ESD: variants seen among roughly 807,000 people sequenced by gnomAD.
ESD encodes the protein S-formylglutathione hydrolase.
A neutral mutation model predicts 38.1 loss-of-function variants in ESD; 34 were observed. The ratio of observed to expected loss-of-function variants is 0.89; its 90% CI spans 0.68 to 1.19. The LOEUF (loss-of-function observed/expected upper bound fraction) is 1.19, where lower values mean the gene tolerates loss of function less well. ESD is among the 50% of genes most tolerant of loss of function. The pLI, the probability that ESD is intolerant of heterozygous loss-of-function variation, is 0.00. For synonymous variants in ESD, 97 were observed against 107.0 expected, an observed-to-expected ratio of 0.91 and a Z score of 0.58; for missense variants, 334 against 327.2, an observed-to-expected ratio of 1.02 and a Z score of -0.16.
In ESD at chr13:46,778,049, CT is replaced by C. The variant is rs573011906; in HGVS notation, c.601-427del. 3.6e-3 allele frequency among the ~76,000 whole-genome samples: 545 copies of C among 151,204 alleles called. 3 individuals carry two copies. Among genetic ancestry groups the C allele is most frequent in the African/African-American group, 0.013 (520 of 41,274 alleles). On this transcript the variant is annotated intron_variant, in intron 8 of 9. Coordinates refer to ENST00000378720, the MANE Select transcript of ESD (RefSeq NM_001984.2). Reference sequence around the variant, plus strand: ...CCAAATATTCTCTATTTCAGATAATCTTTTTTTTTATGTCTCTTCTTTATGG... The same window carrying C: ...CCAAATATTCTCTATTTCAGATAATCTTTTTTTTATGTCTCTTCTTTATGG...
At chr13:46,786,422 C>T (rs530278584) in intron 4 of ESD, among the ~76,000 whole-genome samples, 63 of 151,900 alleles carry the variant, frequency 4.1e-4, no homozygotes, top group Non-Finnish European at 7.8e-4. Context: ...GATGAAGTAC[C>T]AGCGTCTTGT....
At chr13:46,785,025 C>CT (rs892121089) in intron 4 of ESD, among the ~76,000 whole-genome samples, 1 of 151,832 alleles carries the variant, frequency 6.6e-6, no homozygotes, top group East Asian at 1.9e-4. Flanking sequence ...AATACAAATA[C>CT]TTTTTTTTAC....
chr13:46,773,109 G>A (rs1298390598), intron 9 of ESD, among the ~76,000 whole-genome samples: 2 of 152,166 alleles, frequency 1.3e-5, no homozygotes, highest in Admixed American at 1.3e-4. Flanking sequence ...TGGTGCATAT[G>A]TACCACATTT....
chr13:46,790,920 G>A (rs1222020679), intron 3 of ESD, among the ~76,000 whole-genome samples: 1 of 152,088 alleles, frequency 6.6e-6, no homozygotes, highest in Non-Finnish European at 1.5e-5. Context: ...ATATGTATGT[G>A]TGCGTGTGTG....
At chr13:46,793,483 T>C (rs1361170071) in intron 1 of ESD, 39 bp from the exon 2 acceptor site, 2 of 152,618 alleles carry the variant, frequency 1.3e-5, no homozygotes, top group Non-Finnish European at 2.9e-5. Flanking sequence ...GGGATATACT[T>C]TTCACAGCAA....
In ESD at chr13:46,771,472, T is replaced by A. The variant is rs1276111212; in HGVS notation, c.793A>T (p.Ile265Phe). ...QEGYDHSYYF[I>F]ATFITDHIRH... ...ATGTGGTCAGTAATAAAGGTTGCAA[T>A]GAAGTAGTAGCTATGATCATAACCC... The change falls in exon 10 of 10, where the codon ATT becomes TTT. Residue 265 changes from isoleucine (I) to phenylalanine (F), a missense_variant. By Grantham distance (21) the Ile-to-Phe change is conservative. Coordinates refer to ENST00000378720, the MANE Select transcript of ESD (RefSeq NM_001984.2). 6.2e-7 allele frequency: 1 copy of A among 1,606,718 alleles called. No homozygotes were observed.
chr13:46,793,981 G>GA (rs1486473223), intron 1 of ESD, among the ~76,000 whole-genome samples: 1 of 152,156 alleles, frequency 6.6e-6, no homozygotes, highest in Non-Finnish European at 1.5e-5. Context: ...TATTCAGTAA[G>GA]AAAAATATAT....
At chr13:46,783,429 C>G (rs1045797317) in intron 5 of ESD, among the ~76,000 whole-genome samples, 2 of 151,950 alleles carry the variant, frequency 1.3e-5, no homozygotes, top group Non-Finnish European at 2.9e-5. Flanking sequence ...TACAGTAACA[C>G]GTAGAGTAAT....
intron 4 of ESD, 152 bp from the exon 5 acceptor site, chr13:46,784,502 C>G: frequency 3.5e-6 from 2 of 575,242 alleles, no homozygotes; most frequent in Non-Finnish European, 6.2e-6. Flanking sequence ...GTGATGGTAT[C>G]TTTCATACCC....
intron 9 of ESD, among the ~76,000 whole-genome samples, chr13:46,772,542 T>A (rs1874642941): frequency 6.6e-6 from 1 of 152,174 alleles, no homozygotes; most frequent in Non-Finnish European, 1.5e-5. Flanking sequence ...ATCACCTAGG[T>A]ATTAAGCCGA....
chr13:46,772,771 A>G (rs1874651772), intron 9 of ESD, among the ~76,000 whole-genome samples: 1 of 151,442 alleles, frequency 6.6e-6, no homozygotes, highest in African/African-American at 2.4e-5. Flanking sequence ...TGCAACCTCC[A>G]CATCCCGGGT....
At chr13:46,785,000 T>C (rs569360861) in intron 4 of ESD, among the ~76,000 whole-genome samples, 1 of 152,146 alleles carries the variant, frequency 6.6e-6, no homozygotes, top group Non-Finnish European at 1.5e-5. Context: ...AATAAGCAAA[T>C]ACTATGGTCT....
chr13:46,781,931 G>C (rs559392348), intron 6 of ESD, among the ~76,000 whole-genome samples: 4 of 151,720 alleles, frequency 2.6e-5, no homozygotes, highest in African/African-American at 9.6e-5. Flanking sequence ...AAGTCCTTAG[G>C]GAGAAAACAT....
chr13:46,796,626 G>A (rs533289743), intron 1 of ESD, among the ~76,000 whole-genome samples: 1 of 152,206 alleles, frequency 6.6e-6, no homozygotes, highest in African/African-American at 2.4e-5. Flanking sequence ...GAGTGCTCCT[G>A]ACCGCGCCAT....
Position 46,791,382 on chromosome 13 carries a change from C to T in ESD, c.32G>A (p.Cys11Tyr). The change falls in exon 3 of 10, where the codon TGC (cysteine) becomes TAC (tyrosine). Residue 11 changes from cysteine to tyrosine, a missense_variant. Physicochemically the swap from Cys to Tyr is radical, Grantham distance 194. Coordinates refer to ENST00000378720, the MANE Select transcript of ESD (RefSeq NM_001984.2). MALKQISSNKCFGGLQKVFEH... is the reference protein window; with the variant it reads MALKQISSNKYFGGLQKVFEH... Reference sequence around the variant, plus strand: ...AAAAACTTTCTGCAATCCCCCAAAGCACTTGTTGCTGGAAATCTGCTTCAA... The same window carrying T: ...AAAAACTTTCTGCAATCCCCCAAAGTACTTGTTGCTGGAAATCTGCTTCAA... 1 of 1,613,108 alleles carries T rather than the reference C, an allele frequency of 6.2e-7. No individual in the cohort carries two copies. The highest frequency in any genetic ancestry group is 1.1e-5 in the South Asian group (1 of 90,980).
intron 9 of ESD, among the ~76,000 whole-genome samples, chr13:46,773,492 G>T (rs1020624341): frequency 3.9e-5 from 6 of 152,166 alleles, no homozygotes; most frequent in Non-Finnish European, 8.8e-5. Context: ...ACTAGTGAAT[G>T]GTCACTGATG....
chr13:46,796,525 C>T (rs1593413908), intron 1 of ESD, among the ~76,000 whole-genome samples: 1 of 152,230 alleles, frequency 6.6e-6, no homozygotes, highest in South Asian at 2.1e-4. Flanking sequence ...GAAATGACTT[C>T]CAGTCCCCCA....
In ESD at chr13:46,779,076, GA is replaced by G. The variant is rs565574144; in HGVS notation, c.600+858del. Among the ~76,000 whole-genome samples, 537 of 151,774 alleles carry G rather than the reference GA, an allele frequency of 3.5e-3. 3 individuals are homozygous for G. Among genetic ancestry groups the G allele is most frequent in the African/African-American group, 0.012 (516 of 41,460 alleles). On this transcript the variant is annotated intron_variant, in intron 8 of 9. Coordinates refer to ENST00000378720, the MANE Select transcript of ESD (RefSeq NM_001984.2). ...TTGCAAAGTATTCAAACTCTTGGCA[GA>G]GTTTGTAAATGGCCCATTTCTGCAC...
In ESD at chr13:46,777,625, T is replaced by G; in HGVS notation, c.601-2A>C. ...CACAAGGTGGGTAGCATCATAAGCCTGTAAAAAGAGAAGTAACATTGAAAA... is the reference window on the plus strand; with the variant it reads ...CACAAGGTGGGTAGCATCATAAGCCGGTAAAAAGAGAAGTAACATTGAAAA... On this transcript the variant is annotated splice_acceptor_variant, in intron 8 of 9. Coordinates refer to ENST00000378720, the MANE Select transcript of ESD (RefSeq NM_001984.2). LOFTEE classifies it high-confidence loss of function. 6.3e-6 allele frequency: 10 copies of G among 1,591,528 alleles called. No individual in the cohort carries two copies. The highest frequency in any genetic ancestry group is 8.6e-6 in the Non-Finnish European group (10 of 1,168,836).
Sources: gnomAD v4.1 joint callset for allele counts (sites outside exome capture counted in the v4.1 genomes callset) on GRCh38, gnomAD v4.1.1 for gene constraint, MANE v1.5 for transcripts, NCBI Gene and HGNC (gene_info 2026-07-23, HGNC 2026-07-21) for gene names.